The following CNBD1 variants were observed in gnomAD, a reference collection of about 807,000 sequenced individuals.
CNBD1 encodes cyclic nucleotide-binding domain-containing protein 1.
In CNBD1, 71 loss-of-function variants were observed where a neutral mutation model predicts 54.4. The ratio of observed to expected loss-of-function variants is 1.30; its 90% CI spans 1.08 to 1.59. The LOEUF (loss-of-function observed/expected upper bound fraction) is 1.59. CNBD1 is among the 40% of genes most tolerant of loss of function. CNBD1 has a pLI of 0.00. For missense variants in CNBD1, 659 were observed against 518.0 expected, an observed-to-expected ratio of 1.27 and a Z score of -2.64; for synonymous variants, 182 against 170.7, an observed-to-expected ratio of 1.07 and a Z score of -0.51.
chr8:87,228,248 G>A (rs893948472), intron 5 of CNBD1, among the ~76,000 whole-genome samples: 1 of 150,914 alleles, frequency 6.6e-6, no homozygotes, highest in African/African-American at 2.5e-5. Flanking sequence ...GCTCGTCAAA[G>A]TCCTTCTCCG....
chr8:87,234,924 AG>A (rs1292398512), intron 5 of CNBD1, among the ~76,000 whole-genome samples: 1 of 152,224 alleles, frequency 6.6e-6, no homozygotes, highest in Non-Finnish European at 1.5e-5. Flanking sequence ...AAATCTGTTT[AG>A]TGTAACCACC....
chr8:87,255,515 T>C (rs1807992848), intron 6 of CNBD1, among the ~76,000 whole-genome samples: 1 of 152,076 alleles, frequency 6.6e-6, no homozygotes, highest in African/African-American at 2.4e-5. Flanking sequence ...TATATAGATT[T>C]GATAATCTTA....
At chr8:87,383,870 A>C (rs541143536), downstream of CNBD1, among the ~76,000 whole-genome samples, 2 of 152,276 alleles carry the variant, frequency 1.3e-5, no homozygotes, top group East Asian at 3.9e-4. Flanking sequence ...ATTTTGAACA[A>C]GTTAAATCCT....
chr8:86,972,613 C>A (rs1199811678), intron 4 of CNBD1, among the ~76,000 whole-genome samples: 1 of 152,150 alleles, frequency 6.6e-6, no homozygotes, highest in Non-Finnish European at 1.5e-5. Context: ...AGGTAAGATA[C>A]ACAGACACAC....
intron 2 of CNBD1, among the ~76,000 whole-genome samples, chr8:87,402,546 A>G (rs560096428): frequency 6.6e-6 from 1 of 152,228 alleles, no homozygotes; most frequent in East Asian, 1.9e-4. Context: ...AGGACCGAGC[A>G]TGAGCAAAGG....
chr8:86,970,500 G>A (rs2130489531), intron 4 of CNBD1, among the ~76,000 whole-genome samples: 1 of 152,156 alleles, frequency 6.6e-6, no homozygotes, highest in African/African-American at 2.4e-5. Context: ...GTGCAAGTTT[G>A]TTACATGGGT....
chr8:86,960,317 C>A (rs111760622), intron 4 of CNBD1, among the ~76,000 whole-genome samples: 5 of 152,116 alleles, frequency 3.3e-5, no homozygotes, highest in African/African-American at 7.2e-5. Flanking sequence ...TCTTAGCAAA[C>A]GGCACACCAG....
chr8:86,957,973 A>G (rs1807823978), intron 4 of CNBD1, among the ~76,000 whole-genome samples: 1 of 152,216 alleles, frequency 6.6e-6, no homozygotes, highest in African/African-American at 2.4e-5. Context: ...ATTTAGTGCT[A>G]TAAATTTCCC....
chr8:87,081,381 T>C (rs1436195215), intron 4 of CNBD1, among the ~76,000 whole-genome samples: 1 of 152,226 alleles, frequency 6.6e-6, no homozygotes, highest in East Asian at 1.9e-4. Context: ...TGATGTGTTT[T>C]TTCAGAATTT....
intron 4 of CNBD1, among the ~76,000 whole-genome samples, chr8:86,984,883 G>C (rs1808570212): frequency 6.6e-6 from 1 of 152,152 alleles, no homozygotes; most frequent in Non-Finnish European, 1.5e-5. Context: ...GGTGAAATGA[G>C]TTAAGACTTT....
chr8:87,353,344 A>G (rs1810345941), intron 9 of CNBD1, among the ~76,000 whole-genome samples: 2 of 152,164 alleles, frequency 1.3e-5, no homozygotes, highest in South Asian at 4.1e-4. Flanking sequence ...ATGATATCCT[A>G]GATCCTTGAA....
At chr8:87,311,448 A>G (rs1272827669) in intron 8 of CNBD1, among the ~76,000 whole-genome samples, 1 of 152,156 alleles carries the variant, frequency 6.6e-6, no homozygotes, top group Non-Finnish European at 1.5e-5. Flanking sequence ...TCAAAAAATA[A>G]CAGATGCTGG....
chr8:87,283,347 C>A (rs1808632541), intron 6 of CNBD1, among the ~76,000 whole-genome samples: 2 of 152,038 alleles, frequency 1.3e-5, no homozygotes, highest in Admixed American at 1.3e-4. Flanking sequence ...TCTCCTTCTT[C>A]ATGGACTTCC....
At chr8:87,363,490 C>T (rs1232445428) in intron 10 of CNBD1, among the ~76,000 whole-genome samples, 1 of 152,082 alleles carries the variant, frequency 6.6e-6, no homozygotes. Context: ...CCTATTTCTC[C>T]ACATCCTCTC....
At chr8:87,249,177 T>C (rs904015919) in intron 6 of CNBD1, among the ~76,000 whole-genome samples, 6 of 152,142 alleles carry the variant, frequency 3.9e-5, no homozygotes, top group Non-Finnish European at 8.8e-5. Context: ...CGTCAGATCA[T>C]CAGGCATTAG....
intron 1 of CNBD1, among the ~76,000 whole-genome samples, chr8:86,887,104 T>C (rs894572956): frequency 3.9e-5 from 6 of 152,134 alleles, no homozygotes; most frequent in Admixed American, 6.5e-5. Context: ...CTGCGTAGGA[T>C]TGAATAGGCC....
chr8:87,020,629 A>T (rs921727505), intron 4 of CNBD1, among the ~76,000 whole-genome samples: 1 of 152,018 alleles, frequency 6.6e-6, no homozygotes, highest in Non-Finnish European at 1.5e-5. Context: ...ATATATTGTG[A>T]CTTACTTTTC....
chr8:87,096,092 C>A (rs1811314242), intron 4 of CNBD1, among the ~76,000 whole-genome samples: 1 of 152,208 alleles, frequency 6.6e-6, no homozygotes. Context: ...GGCATTCAGG[C>A]CTTTCCATGT....
At chr8:86,914,351 G>T (rs151042368) in intron 3 of CNBD1, among the ~76,000 whole-genome samples, 4 of 152,132 alleles carry the variant, frequency 2.6e-5, no homozygotes, top group African/African-American at 4.8e-5. Flanking sequence ...CTGACTTCCC[G>T]CAACACATTG....
Sources: allele counts gnomAD v4.1 joint callset (sites outside exome capture counted in the v4.1 genomes callset), GRCh38; gene constraint gnomAD v4.1.1; transcripts MANE v1.5; gene names NCBI Gene and HGNC (gene_info 2026-07-23, HGNC 2026-07-21).